DCDC1: variants seen among roughly 807,000 people sequenced by gnomAD.
DCDC1 encodes the protein doublecortin domain-containing protein 1.
A neutral mutation model predicts 178.3 loss-of-function variants in DCDC1; 200 were observed. The ratio of observed to expected loss-of-function variants is 1.12; its 90% CI spans 1.00 to 1.26. The LOEUF (loss-of-function observed/expected upper bound fraction) is 1.26. DCDC1 is among the 50% of genes most tolerant of loss of function. The pLI is 0.00. For synonymous variants in DCDC1, 690 were observed against 604.8 expected, an observed-to-expected ratio of 1.14 and a Z score of -2.07; for missense variants, 1,983 against 1,749.2, an observed-to-expected ratio of 1.13 and a Z score of -2.38.
rs112689836 is a variant in DCDC1, at chr11:31,368,449, A to G, written c.-125+1248T>C. The stretch of plus-strand genomic sequence containing the variant: ...TGTTTAGAAAAGCATTCACCACACT[A>G]CTTAATTCCATTGCTTTAGGTATTT... On this transcript the variant is annotated intron_variant, in intron 1 of 38. Coordinates refer to ENST00000684477, the MANE Select transcript of DCDC1 (RefSeq NM_001387274.1). Among the ~76,000 whole-genome samples the G allele has an allele frequency of 2.2e-3, 335 of 152,262 alleles. 3 individuals carry two copies. Among genetic ancestry groups the G allele is most frequent in the African/African-American group, 7.6e-3 (316 of 41,564 alleles).
intron 30 of DCDC1, among the ~76,000 whole-genome samples, chr11:30,905,472 G>A (rs552915680): frequency 1.3e-5 from 2 of 152,204 alleles, no homozygotes; most frequent in East Asian, 3.9e-4. Flanking sequence ...GAGAGAGCCT[G>A]GATTAAAGTA....
intron 1 of DCDC1, among the ~76,000 whole-genome samples, chr11:31,364,909 A>AT (rs966268585): frequency 2.0e-5 from 3 of 151,952 alleles, no homozygotes; most frequent in Non-Finnish European, 2.9e-5. Flanking sequence ...TCAAAACACT[A>AT]TTTAAAACTT....
chr11:30,925,226 T>C (rs753118884), intron 23 of DCDC1, 83 bp downstream of exon 23: 25 of 1,205,164 alleles, frequency 2.1e-5, no homozygotes, highest in Non-Finnish European at 3.0e-5. Flanking sequence ...TGGTAAGCAT[T>C]TGAAGACTTA....
At chr11:31,303,270 G>A (rs181924213) in intron 6 of DCDC1, among the ~76,000 whole-genome samples, 1 of 152,264 alleles carries the variant, frequency 6.6e-6, no homozygotes, top group East Asian at 1.9e-4. Flanking sequence ...ATAAAAGTCT[G>A]TAAATTAAAA....
At position 30,922,541 on chromosome 11, in the gene DCDC1, G is replaced by C; in HGVS notation, c.3095C>G (p.Ala1032Gly). 6.3e-7 allele frequency: 1 copy of C among 1,578,742 alleles called. No individual in the cohort carries two copies. The highest frequency in any genetic ancestry group is 8.6e-7 in the Non-Finnish European group (1 of 1,167,448). The change falls in exon 24 of 39, where the codon GCC becomes GGC. Residue 1032 changes from alanine (A) to glycine (G), a missense_variant. Transcript: ENST00000684477. ...TGTGCTGCAGAAGATTTGAATTTTG[G>C]CAATGTCTGATTCTAGGTTCCTCAG... ...IFLRNLESDI[A>G]KIQIFCSTHK...
intron 20 of DCDC1, among the ~76,000 whole-genome samples, chr11:30,955,506 A>C (rs1027858785): frequency 2.5e-4 from 38 of 152,216 alleles, no homozygotes; most frequent in African/African-American, 8.2e-4. Context: ...CCCCTTTTCA[A>C]ATATCAGCCT....
At chr11:31,118,140 T>C (rs1960249637) in intron 11 of DCDC1, among the ~76,000 whole-genome samples, 1 of 152,140 alleles carries the variant, frequency 6.6e-6, no homozygotes, top group Non-Finnish European at 1.5e-5. Context: ...TAGGATTAAA[T>C]ATAAACTAAA....
chr11:31,081,556 G>A (rs1957172772), intron 17 of DCDC1, among the ~76,000 whole-genome samples: 1 of 151,984 alleles, frequency 6.6e-6, no homozygotes, highest in African/African-American at 2.4e-5. Flanking sequence ...GTTGCGGTGA[G>A]CCAAGATCAT....
At chr11:30,988,648 T>C (rs1240690498) in intron 20 of DCDC1, among the ~76,000 whole-genome samples, 1 of 152,142 alleles carries the variant, frequency 6.6e-6, no homozygotes, top group Non-Finnish European at 1.5e-5. Flanking sequence ...TGGGCTGCAT[T>C]GGAGGAAGAA....
At chr11:31,162,673 T>C (rs1452994029) in intron 9 of DCDC1, among the ~76,000 whole-genome samples, 1 of 152,156 alleles carries the variant, frequency 6.6e-6, no homozygotes, top group Non-Finnish European at 1.5e-5. Context: ...TTTAAAGATA[T>C]TTACAGGAAC....
At chr11:30,891,068 C>T (rs1943732411) in intron 36 of DCDC1, among the ~76,000 whole-genome samples, 1 of 152,120 alleles carries the variant, frequency 6.6e-6, no homozygotes, top group Non-Finnish European at 1.5e-5. Context: ...GTTGTACTTC[C>T]AGAGTGCCCA....
chr11:31,129,669 T>C, intron 10 of DCDC1, among the ~76,000 whole-genome samples: 1 of 152,138 alleles, frequency 6.6e-6, no homozygotes, highest in East Asian at 1.9e-4. Flanking sequence ...TTTCATTTCT[T>C]ATAAGTAATA....
At chr11:31,269,194 A>G (rs971224814) in intron 7 of DCDC1, among the ~76,000 whole-genome samples, 2 of 152,168 alleles carry the variant, frequency 1.3e-5, no homozygotes, top group Admixed American at 6.5e-5. Context: ...TAGTAGCACT[A>G]TAAGTTTCTG....
intron 10 of DCDC1, among the ~76,000 whole-genome samples, chr11:31,136,555 T>C (rs966166273): frequency 6.6e-6 from 1 of 152,042 alleles, no homozygotes; most frequent in Non-Finnish European, 1.5e-5. Flanking sequence ...TAATAAGAAA[T>C]ACCAAAACCC....
chr11:31,289,540 A>G (rs559150065), intron 7 of DCDC1, among the ~76,000 whole-genome samples: 18 of 152,200 alleles, frequency 1.2e-4, no homozygotes, highest in South Asian at 4.1e-4. Context: ...AAATTCTAGT[A>G]TCTAGTCAAC....
intron 36 of DCDC1, among the ~76,000 whole-genome samples, chr11:30,888,484 G>A (rs552808860): frequency 2.6e-5 from 4 of 152,318 alleles, no homozygotes; most frequent in Admixed American, 6.5e-5. Flanking sequence ...TTGGGAGGCC[G>A]AGGCAGGTGG....
chr11:30,939,634 C>CT (rs1225391362), intron 21 of DCDC1, among the ~76,000 whole-genome samples: 1 of 152,168 alleles, frequency 6.6e-6, no homozygotes, highest in African/African-American at 2.4e-5. Flanking sequence ...CCTTTCCTCT[C>CT]TTAAGTTTCA....
At chr11:30,938,910 C>T (rs1947453812) in intron 21 of DCDC1, among the ~76,000 whole-genome samples, 1 of 150,162 alleles carries the variant, frequency 6.7e-6, no homozygotes, top group African/African-American at 2.5e-5. Flanking sequence ...CCATTTTCAG[C>T]TGGTCCTCAT....
At chr11:31,171,070 C>T (rs1313425683) in intron 9 of DCDC1, among the ~76,000 whole-genome samples, 2 of 152,176 alleles carry the variant, frequency 1.3e-5, no homozygotes, top group Non-Finnish European at 2.9e-5. Context: ...TCAGGTGATC[C>T]GCCCCCCTTG....
Sources: gnomAD v4.1 joint callset for allele counts (sites outside exome capture counted in the v4.1 genomes callset) on GRCh38, gnomAD v4.1.1 for gene constraint, MANE v1.5 for transcripts, NCBI Gene and HGNC (gene_info 2026-07-23, HGNC 2026-07-21) for gene names.